Variants in SPA17 observed in about 807,000 individuals in gnomAD.
SPA17 encodes the protein sperm autoantigenic protein 17, also known as sperm surface protein Sp17.
SPA17 carries 7 observed loss-of-function variants against 13.8 expected under a neutral mutation model. The observed-to-expected ratio is 0.51, with a 90% CI of 0.29 to 0.95. The LOEUF is 0.95. Ranked by LOEUF, SPA17 falls within the 40% of genes least tolerant of loss-of-function variation. The pLI is 0.08. For synonymous variants in SPA17, 61 were observed against 59.0 expected (o/e 1.03, Z -0.16); for missense variants, 170 against 179.3 (o/e 0.95, Z 0.30).
At chr11:124,685,870 A>G (rs1246027224) in intron 3 of SPA17, among the ~76,000 whole-genome samples, 1 of 152,124 alleles carries the variant, frequency 6.6e-6, no homozygotes, top group Admixed American at 6.5e-5. Context: ...TATTTACCCA[A>G]TGCCTGTACC....
intron 4 of SPA17, among the ~76,000 whole-genome samples, chr11:124,692,036 A>G (rs1219086743): frequency 1.3e-5 from 2 of 152,120 alleles, no homozygotes; most frequent in African/African-American, 4.8e-5. Flanking sequence ...AAATCTCCCT[A>G]TGGGGAAGGG....
chr11:124,689,423 G>A (rs1943604111), intron 3 of SPA17, among the ~76,000 whole-genome samples: 1 of 152,094 alleles, frequency 6.6e-6, no homozygotes, highest in Non-Finnish European at 1.5e-5. Context: ...TCCAACAAGG[G>A]ACTAATATCC....
At chr11:124,680,692 T>C (rs964352989) in intron 2 of SPA17, among the ~76,000 whole-genome samples, 2 of 152,050 alleles carry the variant, frequency 1.3e-5, no homozygotes, top group African/African-American at 4.8e-5. Context: ...AGAGTATATA[T>C]TGAGATACAT....
chr11:124,692,418 A>C (rs1269829976), intron 4 of SPA17, among the ~76,000 whole-genome samples: 1 of 151,894 alleles, frequency 6.6e-6, no homozygotes, highest in African/African-American at 2.4e-5. Flanking sequence ...ATCTCTACTA[A>C]AAATACAAAA....
At chr11:124,694,163 A>G in intron 4 of SPA17, 140 bp from the exon 5 acceptor site, 1 of 1,052,148 alleles carries the variant, frequency 9.5e-7, no homozygotes, top group Non-Finnish European at 1.4e-6. Flanking sequence ...ACAATGTGAC[A>G]ATATATGAAA....
At chr11:124,680,977 T>TA (rs988984472) in intron 2 of SPA17, among the ~76,000 whole-genome samples, 2 of 151,966 alleles carry the variant, frequency 1.3e-5, no homozygotes, top group African/African-American at 4.8e-5. Flanking sequence ...TATACTTCAT[T>TA]AAAAAAAATT....
Position 124,694,725 on chromosome 11 carries a change from GAGATCTC to G in SPA17, c.*283_*289del. ...TAGAACTAAAGTATCTGAGATTACA[GAGATCTC>G]AGAGGTTATGTGTTCTAACTATTAT... On this transcript the variant is annotated 3_prime_UTR_variant, in exon 5 of 5. Coordinates refer to ENST00000227135, the MANE Select transcript of SPA17 (RefSeq NM_017425.4). 3.6e-6 allele frequency: 1 copy of G among 275,370 alleles called. No individual in the cohort carries two copies. The highest frequency in any genetic ancestry group is 1.1e-3 in the Middle Eastern group (1 of 906). 17.1% of individuals were successfully genotyped at this position (275,370 alleles called of 1,614,324 possible).
intron 4 of SPA17, among the ~76,000 whole-genome samples, chr11:124,692,801 A>C (rs749182799): frequency 1.8e-4 from 28 of 152,314 alleles, no homozygotes; most frequent in Non-Finnish European, 3.1e-4. Context: ...ACTAGGCCTC[A>C]TAAGAAAGAA....
At chr11:124,685,820 C>T (rs1479015137) in intron 3 of SPA17, among the ~76,000 whole-genome samples, 2 of 152,126 alleles carry the variant, frequency 1.3e-5, no homozygotes, top group African/African-American at 4.8e-5. Context: ...GGGCCTGTAG[C>T]ACCTTTGTTT....
chr11:124,690,464 A>G (rs982469420), intron 3 of SPA17, among the ~76,000 whole-genome samples: 1 of 152,186 alleles, frequency 6.6e-6, no homozygotes, highest in African/African-American at 2.4e-5. Context: ...GACTCAGAAG[A>G]GTGAGGAGAG....
chr11:124,686,760 A>C (rs1210172209), intron 3 of SPA17, among the ~76,000 whole-genome samples: 2 of 152,238 alleles, frequency 1.3e-5, no homozygotes, highest in Non-Finnish European at 2.9e-5. Flanking sequence ...TGAAAACTGG[A>C]AACACAACAT....
At position 124,681,425 on chromosome 11, in the gene SPA17, T is replaced by C; in HGVS notation, c.191T>C (p.Val64Ala). 1 of 1,584,378 alleles carries C rather than the reference T, an allele frequency of 6.3e-7. No individual in the cohort carries two copies. ...GATCCAGCAGAATGGGGGAGTAAGG[T>C]AGAAGACCGCTTCTATAACAATCAT... ...NFDPAEWGSK[V>A]EDRFYNNHAF... Residue 64 changes from valine (V) to alanine (A), a missense_variant, in exon 3 of 5, where the codon GTA (valine) becomes GCA (alanine). Val to Ala is a moderately conservative substitution (Grantham distance 64). Coordinates refer to ENST00000227135, the MANE Select transcript of SPA17 (RefSeq NM_017425.4).
chr11:124,682,700 A>G (rs780191311), intron 3 of SPA17, among the ~76,000 whole-genome samples: 1 of 152,140 alleles, frequency 6.6e-6, no homozygotes, highest in Non-Finnish European at 1.5e-5. Context: ...AGACAAAAAT[A>G]AAAAAGAATA....
At position 124,695,632 on chromosome 11, in the gene SPA17, C is replaced by T. The variant is rs1284010165; in HGVS notation, c.*1186C>T. On this transcript the variant is annotated 3_prime_UTR_variant, in exon 5 of 5. Coordinates refer to ENST00000227135, the MANE Select transcript of SPA17 (RefSeq NM_017425.4). ...ACCATTTAGTTAATGCTGTTGCCTT[C>T]TACCATAATGTTGTAGCATAGTCCA... 3 of 152,234 alleles carry T rather than the reference C, an allele frequency of 2.0e-5. No homozygotes were observed. The highest frequency in any genetic ancestry group is 7.2e-5 in the African/African-American group (3 of 41,454). 9.4% of individuals were successfully genotyped at this position (152,234 alleles called of 1,614,324 possible).
At chr11:124,691,037 G>A (rs1211109009) in intron 3 of SPA17, among the ~76,000 whole-genome samples, 1 of 152,020 alleles carries the variant, frequency 6.6e-6, no homozygotes, top group African/African-American at 2.4e-5. Flanking sequence ...AGCAATTTTG[G>A]GGTGTTTCTT....
In SPA17 at chr11:124,685,535, C is replaced by T. The variant is rs890598869; in HGVS notation, c.225+4076C>T. Among the ~76,000 whole-genome samples the T allele has an allele frequency of 2.0e-5, 3 of 152,304 alleles. No homozygotes were observed. The East Asian group carries it at 5.8e-4, about 29-fold the overall frequency. ...ACACAGAGTCCCCACTGGGGCACTG[C>T]CTGGTGGAGCTGTAAGAAGAGGGCC... On this transcript the variant is annotated intron_variant, in intron 3 of 4. Transcript: ENST00000227135.
rs2134403705 is a variant in SPA17, at chr11:124,675,248, C to G, written c.-17C>G. On this transcript the variant is annotated 5_prime_UTR_variant, in exon 2 of 5. Coordinates refer to ENST00000227135, the MANE Select transcript of SPA17 (RefSeq NM_017425.4). ...TTAATGAATCTTTAGGTTCCATAGG[C>G]AGTTCTTACCAAGAAGATGTCGATT... 6.2e-7 allele frequency: 1 copy of G among 1,609,130 alleles called. No homozygotes were observed. The highest frequency in any genetic ancestry group is 1.1e-5 in the South Asian group (1 of 89,596).
chr11:124,687,241 T>C (rs1033733782), intron 3 of SPA17, among the ~76,000 whole-genome samples: 9 of 151,552 alleles, frequency 5.9e-5, no homozygotes, highest in East Asian at 1.9e-4. Context: ...CAGGAAGAAA[T>C]AGAAAACCTG....
intron 3 of SPA17, among the ~76,000 whole-genome samples, chr11:124,683,125 C>T (rs1943543949): frequency 6.6e-6 from 1 of 152,076 alleles, no homozygotes; most frequent in Admixed American, 6.6e-5. Flanking sequence ...AATTCTATAT[C>T]CAGCAAAATT....
Sources: gnomAD v4.1 joint callset for allele counts (sites outside exome capture counted in the v4.1 genomes callset) on GRCh38, gnomAD v4.1.1 for gene constraint, MANE v1.5 for transcripts, NCBI Gene and HGNC (gene_info 2026-07-23, HGNC 2026-07-21) for gene names.